The following SCN1A variants were observed in gnomAD, a reference collection of about 807,000 sequenced individuals.
SCN1A encodes sodium channel protein type 1 subunit alpha.
A neutral mutation model predicts 193.7 loss-of-function variants in SCN1A; 13 were observed. That is an observed-to-expected ratio of 0.07 (90% confidence interval 0.04 to 0.11). The LOEUF (loss-of-function observed/expected upper bound fraction) is 0.11. SCN1A is among the 10% of genes least tolerant of loss of function. The pLI, the probability that SCN1A is intolerant of heterozygous loss-of-function variation, is 1.00. For missense variants in SCN1A, 1,432 were observed against 2,451.1 expected (o/e 0.58, Z 8.78); for synonymous variants, 781 against 843.6 (o/e 0.93, Z 1.29).
In SCN1A at chr2:166,032,332, C is replaced by A. The variant is rs1272984845; in HGVS notation, c.3429+3716G>T. Among the ~76,000 whole-genome samples, 3 of 136,008 alleles carry A rather than the reference C, an allele frequency of 2.2e-5. No individual in the cohort carries two copies. In the East Asian group the frequency reaches 7.4e-4, roughly 33 times the overall value. 89.2% of individuals were successfully genotyped at this position (136,008 alleles called of 152,430 possible). On this transcript the variant is annotated intron_variant, in intron 19 of 28. Transcript: ENST00000674923. The stretch of plus-strand genomic sequence containing the variant: ...TAACTGATAAATAAATGAAAATAGG[C>A]AAAAAGAATAAAGGCTAAAACAAAA...
chr2:166,139,873 G>C (rs1037318689), intron 1 of SCN1A, among the ~76,000 whole-genome samples: 15 of 152,146 alleles, frequency 9.9e-5, no homozygotes, highest in African/African-American at 3.6e-4. Context: ...GATGAGATTT[G>C]AGTGGGGCAC....
chr2:166,084,235 T>A (rs895599302), intron 2 of SCN1A, among the ~76,000 whole-genome samples: 2 of 119,994 alleles, frequency 1.7e-5, no homozygotes, highest in Non-Finnish European at 3.6e-5. Context: ...TTTTTTTTTT[T>A]GCTCAGCCTC....
rs1258614393 is a variant in SCN1A at position 165,991,000 on chromosome 2, T to G, written c.*245A>C. On this transcript the variant is annotated 3_prime_UTR_variant, in exon 29 of 29. Transcript: ENST00000674923. ...ACAGTCTGACTAGCCATTGTGCATC[T>G]TATCTTCAGCAGTGTCAGCTGGTAG... 3 of 493,634 alleles carry G rather than the reference T, an allele frequency of 6.1e-6. 1 individual carries two copies. In the South Asian group the frequency reaches 7.5e-5, roughly 12 times the overall value. 30.6% of individuals were successfully genotyped at this position (493,634 alleles called of 1,614,324 possible). A position where few individuals can be genotyped will look rare whatever the true frequency, so the allele number is the denominator to read the frequency against.
intron 14 of SCN1A, 142 bp from the exon 15 acceptor site, chr2:166,042,566 C>T (rs1697312503): frequency 5.1e-6 from 4 of 790,736 alleles, no homozygotes; most frequent in South Asian, 4.6e-5. Flanking sequence ...ATATTTCTGA[C>T]TTATTGTATC....
chr2:166,047,295 A>G (rs912579544), intron 11 of SCN1A, among the ~76,000 whole-genome samples: 3 of 152,058 alleles, frequency 2.0e-5, no homozygotes, highest in Non-Finnish European at 2.9e-5. Context: ...TTATCTTTCT[A>G]TATCTGCTTT....
At chr2:166,012,419 T>G in intron 21 of SCN1A, 137 bp from the exon 22 acceptor site, 1 of 674,258 alleles carries the variant, frequency 1.5e-6, no homozygotes, top group Non-Finnish European at 2.5e-6. Flanking sequence ...TTACTTTTTT[T>G]TTTTCCTCGC....
chr2:166,073,191 C>T, intron 4 of SCN1A, 167 bp downstream of exon 4: 1 of 739,090 alleles, frequency 1.4e-6, no homozygotes, highest in Non-Finnish European at 2.2e-6. Flanking sequence ...ATGATATAAT[C>T]AATTCATTTC....
chr2:166,004,047 T>C (rs1691311885), intron 23 of SCN1A, among the ~76,000 whole-genome samples: 1 of 151,546 alleles, frequency 6.6e-6, no homozygotes, highest in African/African-American at 2.4e-5. Flanking sequence ...ATTAATTTGG[T>C]TGAGTTATCC....
chr2:166,052,811 T>C, intron 8 of SCN1A, 41 bp downstream of exon 8: 1 of 1,470,354 alleles, frequency 6.8e-7, no homozygotes, highest in Non-Finnish European at 9.5e-7. Context: ...GGATGCTGAA[T>C]CACATGATGG....
At chr2:166,122,268 T>C (rs1690686583) in intron 2 of SCN1A, among the ~76,000 whole-genome samples, 2 of 152,328 alleles carry the variant, frequency 1.3e-5, no homozygotes, top group Admixed American at 1.3e-4. Context: ...TGGATAATAT[T>C]TGTGTAACTT....
intron 2 of SCN1A, among the ~76,000 whole-genome samples, chr2:166,086,254 G>A (rs907202211): frequency 9.9e-5 from 15 of 151,916 alleles, no homozygotes; most frequent in Admixed American, 9.2e-4. Context: ...CACTGACATG[G>A]ACCAACCACC....
intron 28 of SCN1A, 32 bp downstream of exon 28, chr2:165,994,114 A>T: frequency 6.6e-7 from 1 of 1,519,986 alleles, no homozygotes; most frequent in Non-Finnish European, 9.0e-7. Flanking sequence ...ACTTTTATTT[A>T]ACTGAATTTA....
intron 26 of SCN1A, 180 bp from the exon 27 acceptor site, chr2:165,996,297 C>T: frequency 2.2e-6 from 1 of 445,832 alleles, no homozygotes; most frequent in Non-Finnish European, 4.0e-6. Context: ...ATATTTAATT[C>T]CCTAAATAAT....
chr2:165,997,744 C>G (rs558398271), intron 26 of SCN1A, among the ~76,000 whole-genome samples: 20 of 151,070 alleles, frequency 1.3e-4, no homozygotes, highest in Non-Finnish European at 3.0e-4. Context: ...TATTCGGTTG[C>G]TTTCTAGTTT....
chr2:166,002,260 GT>G (rs1466417024), intron 24 of SCN1A, among the ~76,000 whole-genome samples: 1 of 151,612 alleles, frequency 6.6e-6, no homozygotes, highest in East Asian at 1.9e-4. Flanking sequence ...AGAGGTCTTT[GT>G]TTGGTCTGGT....
At chr2:166,117,895 G>A (rs1690040502) in intron 2 of SCN1A, among the ~76,000 whole-genome samples, 2 of 151,832 alleles carry the variant, frequency 1.3e-5, no homozygotes, top group East Asian at 3.9e-4. Context: ...CCCAGGAGGC[G>A]GAGATTGCAG....
intron 2 of SCN1A, among the ~76,000 whole-genome samples, chr2:166,102,344 A>T (rs1053938405): frequency 8.6e-5 from 13 of 151,966 alleles, no homozygotes; most frequent in African/African-American, 2.4e-5. Flanking sequence ...AAAATACAAA[A>T]AATTAGCCGG....
chr2:166,075,915 A>G (rs2105994893), intron 3 of SCN1A, among the ~76,000 whole-genome samples: 1 of 152,104 alleles, frequency 6.6e-6, no homozygotes, highest in Admixed American at 6.6e-5. Context: ...TTACTATGAG[A>G]AAAGTGGAAT....
intron 26 of SCN1A, among the ~76,000 whole-genome samples, chr2:165,997,339 TA>T (rs1372024282): frequency 6.6e-6 from 1 of 151,208 alleles, no homozygotes; most frequent in African/African-American, 2.4e-5. Context: ...TAATTATAGA[TA>T]AAAAGTACAA....
Sources: gnomAD v4.1 joint callset for allele counts (sites outside exome capture counted in the v4.1 genomes callset) on GRCh38, gnomAD v4.1.1 for gene constraint, MANE v1.5 for transcripts, NCBI Gene and HGNC (gene_info 2026-07-23, HGNC 2026-07-21) for gene names.